The following GNA14 variants were observed in gnomAD, a reference collection of about 807,000 sequenced individuals.
GNA14 encodes the protein G protein subunit alpha 14.
In GNA14, 50 loss-of-function variants were observed where a neutral mutation model predicts 42.0. The ratio of observed to expected loss-of-function variants is 1.19; its 90% CI spans 0.95 to 1.51. GNA14 has a LOEUF of 1.51. Among genes scored for constraint, GNA14 ranks in the 40% most tolerant of loss-of-function variants. The pLI, the probability that GNA14 is intolerant of heterozygous loss-of-function variation, is 0.00. For missense variants in GNA14, 473 were observed against 446.2 expected (o/e 1.06, Z -0.54); for synonymous variants, 173 against 163.1 (o/e 1.06, Z -0.46).
chr9:77,488,804 A>AAC (rs1836704923), intron 2 of GNA14, among the ~76,000 whole-genome samples: 1 of 151,042 alleles, frequency 6.6e-6, no homozygotes, highest in African/African-American at 2.4e-5. Flanking sequence ...AAAAAAAAAA[A>AAC]AAAAACAGAA....
At chr9:77,476,365 A>C (rs773431926) in intron 2 of GNA14, among the ~76,000 whole-genome samples, 1 of 152,170 alleles carries the variant, frequency 6.6e-6, no homozygotes, top group Non-Finnish European at 1.5e-5. Context: ...AGAGCAGGAA[A>C]TGACATCTTC....
chr9:77,640,419 G>T (rs1428405935), intron 1 of GNA14, among the ~76,000 whole-genome samples: 1 of 152,040 alleles, frequency 6.6e-6, no homozygotes, highest in Non-Finnish European at 1.5e-5. Flanking sequence ...TGTTACAGTG[G>T]TATTTTTCCC....
intron 2 of GNA14, among the ~76,000 whole-genome samples, chr9:77,505,914 T>C (rs1374820584): frequency 1.3e-5 from 2 of 152,106 alleles, no homozygotes; most frequent in Admixed American, 1.3e-4. Flanking sequence ...CACTATCTGA[T>C]AGAAATATGA....
intron 1 of GNA14, among the ~76,000 whole-genome samples, chr9:77,608,732 GTT>G (rs111701182): frequency 0.024 from 2,947 of 121,140 alleles, 124 homozygotes; most frequent in African/African-American, 0.083. Flanking sequence ...CCAATATCCT[GTT>G]TTTTTTTTTT....
chr9:77,489,208 G>T (rs1236654016), intron 2 of GNA14, among the ~76,000 whole-genome samples: 1 of 152,024 alleles, frequency 6.6e-6, no homozygotes, highest in Non-Finnish European at 1.5e-5. Flanking sequence ...AAGACAGGCG[G>T]TGTGAAAATA....
intron 1 of GNA14, among the ~76,000 whole-genome samples, chr9:77,622,893 CAAAAAAA>C (rs1184648958): frequency 1.3e-5 from 1 of 77,670 alleles, no homozygotes; most frequent in East Asian, 3.7e-4. Flanking sequence ...GACTCTGTCT[CAAAAAAA>C]AAAAAAAAGA....
intron 5 of GNA14, among the ~76,000 whole-genome samples, chr9:77,428,634 C>T (rs760334867): frequency 2.0e-5 from 3 of 152,134 alleles, no homozygotes; most frequent in Non-Finnish European, 4.4e-5. Flanking sequence ...AGGTTCCAGG[C>T]CCGTGATTCT....
chr9:77,487,071 G>C (rs1017417314), intron 2 of GNA14, among the ~76,000 whole-genome samples: 2 of 150,288 alleles, frequency 1.3e-5, no homozygotes, highest in Non-Finnish European at 2.9e-5. Flanking sequence ...AAGCAGCATA[G>C]AATGAGGTAT....
chr9:77,550,110 G>A (rs1400356573), intron 1 of GNA14, among the ~76,000 whole-genome samples: 2 of 152,126 alleles, frequency 1.3e-5, no homozygotes, highest in Non-Finnish European at 2.9e-5. Context: ...GTAGAGAGAA[G>A]GGAACACCAG....
rs11384727 is a variant in GNA14, at chr9:77,634,417, G to GAA, written c.124+13251_124+13252dup. ...ACAGAGTGAGACCCTGTCTCAAAAA[G>GAA]AAAAAAAAAAAAAAAAAGGAAGGAA... On this transcript the variant is annotated intron_variant, in intron 1 of 6. Coordinates refer to ENST00000341700, the MANE Select transcript of GNA14 (RefSeq NM_004297.4). Among the ~76,000 whole-genome samples the GAA allele has an allele frequency of 8.1e-3, 683 of 84,712 alleles. 7 individuals carry two copies. Among genetic ancestry groups the GAA allele is most frequent in the African/African-American group, 0.015 (370 of 23,942 alleles). 55.6% of individuals were successfully genotyped at this position (84,712 alleles called of 152,430 possible). A position where few individuals can be genotyped will look rare whatever the true frequency, so the allele number is the denominator to read the frequency against.
At chr9:77,606,306 T>C (rs1386375160) in intron 1 of GNA14, among the ~76,000 whole-genome samples, 1 of 152,240 alleles carries the variant, frequency 6.6e-6, no homozygotes, top group Non-Finnish European at 1.5e-5. Flanking sequence ...TCTTACTCCT[T>C]CTTTCTCATC....
intron 1 of GNA14, among the ~76,000 whole-genome samples, chr9:77,602,379 C>T (rs535251324): frequency 6.6e-6 from 1 of 152,280 alleles, no homozygotes; most frequent in Non-Finnish European, 1.5e-5. Flanking sequence ...ATTTTCTGAC[C>T]GCATAGCAAA....
chr9:77,457,730 C>T (rs998452272), intron 2 of GNA14, among the ~76,000 whole-genome samples: 3 of 152,186 alleles, frequency 2.0e-5, no homozygotes, highest in Non-Finnish European at 2.9e-5. Context: ...CAGCCTGCTA[C>T]TCTTAATAAA....
chr9:77,565,124 A>C (rs970638597), intron 1 of GNA14, among the ~76,000 whole-genome samples: 1 of 152,238 alleles, frequency 6.6e-6, no homozygotes, highest in Non-Finnish European at 1.5e-5. Flanking sequence ...TTCAACTACT[A>C]TATGGCATTT....
chr9:77,439,279 T>C (rs1835687698), intron 2 of GNA14, among the ~76,000 whole-genome samples: 3 of 152,194 alleles, frequency 2.0e-5, no homozygotes, highest in Non-Finnish European at 4.4e-5. Context: ...AATACAGTTT[T>C]TAATTGGACT....
At chr9:77,631,376 C>G (rs984840522) in intron 1 of GNA14, among the ~76,000 whole-genome samples, 3 of 151,102 alleles carry the variant, frequency 2.0e-5, no homozygotes, top group African/African-American at 7.3e-5. Context: ...AGCTGGGTAT[C>G]CATGTGCCCA....
chr9:77,515,829 G>C (rs1272693877), intron 2 of GNA14, among the ~76,000 whole-genome samples: 1 of 151,520 alleles, frequency 6.6e-6, no homozygotes, highest in African/African-American at 2.4e-5. Context: ...CCAGGCCTGG[G>C]GGTGTGCACC....
At chr9:77,632,673 C>A (rs564735305) in intron 1 of GNA14, among the ~76,000 whole-genome samples, 2 of 152,288 alleles carry the variant, frequency 1.3e-5, no homozygotes, top group African/African-American at 2.4e-5. Flanking sequence ...TTCCCCAGTG[C>A]CAGCAGTGGA....
At chr9:77,434,340 G>A (rs377757788) in intron 3 of GNA14, 28 bp downstream of exon 3, 13 of 1,587,554 alleles carry the variant, frequency 8.2e-6, no homozygotes, top group African/African-American at 1.4e-5. Context: ...AAAGCACCGC[G>A]GGCGGCCAGG....
Sources: gnomAD v4.1 joint callset for allele counts (sites outside exome capture counted in the v4.1 genomes callset) on GRCh38, gnomAD v4.1.1 for gene constraint, MANE v1.5 for transcripts, NCBI Gene and HGNC (gene_info 2026-07-23, HGNC 2026-07-21) for gene names.